Variants in PTPRD observed in about 807,000 individuals in gnomAD.
The protein encoded by PTPRD is receptor-type tyrosine-protein phosphatase delta.
In PTPRD, 34 loss-of-function variants were observed where a neutral mutation model predicts 214.5. The observed-to-expected ratio is 0.16, with a 90% confidence interval of 0.12 to 0.21. PTPRD has a LOEUF of 0.21. Ranked by LOEUF, PTPRD falls within the 10% of genes least tolerant of loss-of-function variation. The pLI is 1.00. For synonymous variants in PTPRD, 1,128 were observed against 845.7 expected (o/e 1.33, Z -5.79); for missense variants, 2,545 against 2,398.7 (o/e 1.06, Z -1.27).
chr9:10,548,315 A>G (rs919267241), intron 2 of PTPRD, among the ~76,000 whole-genome samples: 7 of 152,236 alleles, frequency 4.6e-5, no homozygotes, highest in Non-Finnish European at 1.0e-4. Flanking sequence ...AATAAGGAGA[A>G]CTTGGCTATC....
At chr9:10,011,587 C>T (rs1198301166) in intron 4 of PTPRD, among the ~76,000 whole-genome samples, 1 of 151,886 alleles carries the variant, frequency 6.6e-6, no homozygotes, top group Non-Finnish European at 1.5e-5. Flanking sequence ...GATAAATACC[C>T]AGTGCAAGAT....
At chr9:8,898,027 T>C (rs2098634275) in intron 11 of PTPRD, among the ~76,000 whole-genome samples, 1 of 152,186 alleles carries the variant, frequency 6.6e-6, no homozygotes, top group Admixed American at 6.5e-5. Context: ...AGCTGAAATA[T>C]GGTCACCATT....
chr9:8,353,882 G>C (rs1404798751), intron 39 of PTPRD, among the ~76,000 whole-genome samples: 2 of 140,382 alleles, frequency 1.4e-5, no homozygotes, highest in South Asian at 2.3e-4. Flanking sequence ...ATGTATATAT[G>C]TGTATATATG....
chr9:10,152,537 G>A (rs1258299039), intron 3 of PTPRD, among the ~76,000 whole-genome samples: 2 of 152,008 alleles, frequency 1.3e-5, no homozygotes, highest in Non-Finnish European at 2.9e-5. Flanking sequence ...AAAGAAGAAG[G>A]AAATCAGGCC....
intron 9 of PTPRD, among the ~76,000 whole-genome samples, chr9:9,351,362 G>T (rs2051057719): frequency 6.6e-6 from 1 of 152,028 alleles, no homozygotes; most frequent in African/African-American, 2.4e-5. Flanking sequence ...AGAATCTGAA[G>T]GGATTAGTCA....
At chr9:9,251,856 G>A (rs1438908718) in intron 9 of PTPRD, among the ~76,000 whole-genome samples, 1 of 152,072 alleles carries the variant, frequency 6.6e-6, no homozygotes, top group Non-Finnish European at 1.5e-5. Context: ...AGTCGCTGCA[G>A]CAGTCTTAAC....
intron 26 of PTPRD, among the ~76,000 whole-genome samples, chr9:8,494,383 G>A (rs1389056685): frequency 6.6e-6 from 1 of 152,190 alleles, no homozygotes; most frequent in African/African-American, 2.4e-5. Flanking sequence ...CTATTTGGGA[G>A]AAATGTTGTA....
chr9:10,357,871 C>G (rs1052082458), intron 2 of PTPRD, among the ~76,000 whole-genome samples: 4 of 152,114 alleles, frequency 2.6e-5, no homozygotes, highest in African/African-American at 9.7e-5. Flanking sequence ...CTTTTTGGTA[C>G]TGTATTAAAG....
intron 10 of PTPRD, among the ~76,000 whole-genome samples, chr9:9,080,711 C>G (rs1243494092): frequency 1.3e-5 from 2 of 152,168 alleles, no homozygotes; most frequent in East Asian, 3.9e-4. Context: ...TTTTAAAAAG[C>G]AAATGTTCCC....
intron 5 of PTPRD, among the ~76,000 whole-genome samples, chr9:9,879,615 A>G (rs2067990275): frequency 1.3e-5 from 2 of 152,192 alleles, no homozygotes; most frequent in African/African-American, 4.8e-5. Context: ...CTCCACTCAC[A>G]TCTGTCAGAC....
chr9:10,099,742 AG>A (rs1283986452), intron 3 of PTPRD, among the ~76,000 whole-genome samples: 2 of 151,658 alleles, frequency 1.3e-5, no homozygotes, highest in East Asian at 3.9e-4. Flanking sequence ...TAGTAATAAA[AG>A]AGTGTGGAAG....
intron 9 of PTPRD, among the ~76,000 whole-genome samples, chr9:9,257,676 A>T (rs187914188): frequency 3.3e-5 from 5 of 152,002 alleles, no homozygotes; most frequent in African/African-American, 7.2e-5. Context: ...ATGTGTGCCT[A>T]CAGTCCCAGC....
chr9:9,516,202 T>C (rs560593981), intron 8 of PTPRD, among the ~76,000 whole-genome samples: 72 of 152,228 alleles, frequency 4.7e-4, no homozygotes, highest in African/African-American at 1.7e-3. Context: ...TACCAAAATA[T>C]AAACAAAAGG....
chr9:8,420,060 C>G (rs1372973217), intron 35 of PTPRD, among the ~76,000 whole-genome samples: 1 of 152,016 alleles, frequency 6.6e-6, no homozygotes, highest in Non-Finnish European at 1.5e-5. Context: ...ATGTAACAAA[C>G]GTAGACAAAA....
chr9:10,087,520 G>C (rs1210883034), intron 3 of PTPRD, among the ~76,000 whole-genome samples: 1 of 151,512 alleles, frequency 6.6e-6, no homozygotes, highest in East Asian at 2.0e-4. Flanking sequence ...TATCAAACCC[G>C]AGCAAAGTGT....
chr9:10,240,265 A>G (rs1054032874), intron 3 of PTPRD, among the ~76,000 whole-genome samples: 1 of 151,986 alleles, frequency 6.6e-6, no homozygotes, highest in Non-Finnish European at 1.5e-5. Context: ...GAAGGCTCCC[A>G]TGCTATGTAA....
At chr9:8,510,628 A>C (rs201801408) in intron 21 of PTPRD, among the ~76,000 whole-genome samples, 1 of 152,188 alleles carries the variant, frequency 6.6e-6, no homozygotes, top group Non-Finnish European at 1.5e-5. Flanking sequence ...GGCTAGATTC[A>C]GCATATGGGC....
chr9:9,182,623 G>A (rs2099928861), intron 10 of PTPRD, among the ~76,000 whole-genome samples: 1 of 151,878 alleles, frequency 6.6e-6, no homozygotes, highest in Non-Finnish European at 1.5e-5. Flanking sequence ...AATGGGTGAG[G>A]AAAAAATGTC....
At chr9:8,916,364 C>T (rs921075887) in intron 11 of PTPRD, among the ~76,000 whole-genome samples, 9 of 151,970 alleles carry the variant, frequency 5.9e-5, no homozygotes, top group African/African-American at 2.2e-4. Context: ...CATGACCCTG[C>T]CAACAAATCT....
Sources: gnomAD v4.1 joint callset for allele counts (sites outside exome capture counted in the v4.1 genomes callset) on GRCh38, gnomAD v4.1.1 for gene constraint, MANE v1.5 for transcripts, NCBI Gene and HGNC (gene_info 2026-07-23, HGNC 2026-07-21) for gene names.